The following SDC2 variants were observed in gnomAD, a reference collection of about 807,000 sequenced individuals.
SDC2 encodes the protein syndecan-2.
A neutral mutation model predicts 22.2 loss-of-function variants in SDC2; 13 were observed. The observed-to-expected ratio is 0.59, with a 90% CI of 0.38 to 0.93. The LOEUF is 0.93. SDC2 is among the 40% of genes least tolerant of loss of function. The pLI, the probability that SDC2 is intolerant of heterozygous loss-of-function variation, is 0.00. For synonymous variants in SDC2, 94 were observed against 92.8 expected (o/e 1.01, Z -0.07); for missense variants, 235 against 246.8 (o/e 0.95, Z 0.32).
chr8:96,517,827 T>G (rs939781703), intron 1 of SDC2, among the ~76,000 whole-genome samples: 2 of 151,750 alleles, frequency 1.3e-5, no homozygotes, highest in African/African-American at 4.8e-5. Context: ...ACATGAATCT[T>G]AAAATTGTTT....
chr8:96,569,795 T>A (rs1414955269), intron 1 of SDC2, among the ~76,000 whole-genome samples: 2 of 152,178 alleles, frequency 1.3e-5, no homozygotes, highest in Admixed American at 1.3e-4. Flanking sequence ...GGTCGTTCAC[T>A]TTGCTCCCTG....
chr8:96,604,588 G>A (rs540086635), intron 3 of SDC2, among the ~76,000 whole-genome samples: 102 of 152,252 alleles, frequency 6.7e-4, no homozygotes, highest in African/African-American at 2.4e-3. Context: ...TACCATTAGT[G>A]TAGATTTTGC....
intron 1 of SDC2, among the ~76,000 whole-genome samples, chr8:96,581,645 A>AAC (rs1409841609): frequency 4.6e-5 from 7 of 151,870 alleles, no homozygotes; most frequent in Non-Finnish European, 8.8e-5. Context: ...AAAAAAAAAA[A>AAC]AGGTAAAAGA....
intron 2 of SDC2, among the ~76,000 whole-genome samples, chr8:96,598,382 G>C (rs1586323207): frequency 6.6e-6 from 1 of 152,306 alleles, no homozygotes; most frequent in East Asian, 1.9e-4. Flanking sequence ...AGCAGTTTGG[G>C]AGGCTGAGGT....
At chr8:96,500,057 C>T (rs1319967162) in intron 1 of SDC2, among the ~76,000 whole-genome samples, 1 of 152,166 alleles carries the variant, frequency 6.6e-6, no homozygotes, top group African/African-American at 2.4e-5. Flanking sequence ...ACTGAATACA[C>T]CAGCCCCCAG....
chr8:96,557,069 A>G (rs1215762903), intron 1 of SDC2, among the ~76,000 whole-genome samples: 1 of 150,568 alleles, frequency 6.6e-6, no homozygotes, highest in Non-Finnish European at 1.5e-5. Flanking sequence ...TCAAAACCAC[A>G]ATGAGATACC....
At chr8:96,557,603 T>C (rs1373633027) in intron 1 of SDC2, among the ~76,000 whole-genome samples, 1 of 148,584 alleles carries the variant, frequency 6.7e-6, no homozygotes, top group African/African-American at 2.5e-5. Flanking sequence ...GGAAGGGGAA[T>C]ATCACACTCT....
intron 4 of SDC2, 91 bp from the exon 5 acceptor site, chr8:96,609,293 AT>A (rs2130667554): frequency 1.9e-6 from 2 of 1,049,010 alleles, no homozygotes; most frequent in East Asian, 5.4e-5. Context: ...TAAGCCTTTT[AT>A]AAAAGTGTAA....
At chr8:96,554,403 G>A (rs369536377) in intron 1 of SDC2, among the ~76,000 whole-genome samples, 3 of 151,944 alleles carry the variant, frequency 2.0e-5, no homozygotes, top group East Asian at 3.9e-4. Flanking sequence ...ATATCTTTGG[G>A]CACATGTTTC....
chr8:96,532,105 G>A (rs1813671382), intron 1 of SDC2, among the ~76,000 whole-genome samples: 1 of 152,132 alleles, frequency 6.6e-6, no homozygotes, highest in South Asian at 2.1e-4. Context: ...TACCTGCTAG[G>A]ATTGTTATAT....
chr8:96,521,824 A>T (rs1563647326), intron 1 of SDC2, among the ~76,000 whole-genome samples: 1 of 152,200 alleles, frequency 6.6e-6, no homozygotes, highest in African/African-American at 2.4e-5. Context: ...TTTTTGCTCA[A>T]TTAAAAGATT....
chr8:96,549,977 T>A (rs1194237283), intron 1 of SDC2, among the ~76,000 whole-genome samples: 1 of 152,150 alleles, frequency 6.6e-6, no homozygotes, highest in African/African-American at 2.4e-5. Flanking sequence ...ATCTGCTAGG[T>A]TTGGAATTTT....
At chr8:96,572,550 C>CT (rs1814414221) in intron 1 of SDC2, among the ~76,000 whole-genome samples, 1 of 151,970 alleles carries the variant, frequency 6.6e-6, no homozygotes, top group Non-Finnish European at 1.5e-5. Context: ...CTTGGGATGG[C>CT]TAGATATTTC....
At chr8:96,503,293 C>T (rs542757226) in intron 1 of SDC2, among the ~76,000 whole-genome samples, 28 of 152,046 alleles carry the variant, frequency 1.8e-4, no homozygotes, top group Non-Finnish European at 3.7e-4. Flanking sequence ...ATGGAAACAA[C>T]CCAAGTGTAC....
chr8:96,493,857 G>A lies in SDC2; in HGVS notation c.-415G>A. ...GCCGCGCGGATCGCGCGCTCCCGCC[G>A]CTCTGCCCCTAAACTTCTGCCGTAG... is the stretch of plus-strand genomic sequence containing the variant. On this transcript the variant is annotated 5_prime_UTR_variant, in exon 1 of 5. Transcript: ENST00000302190. 5.9e-6 allele frequency: 1 copy of A among 168,374 alleles called. No individual in the cohort carries two copies. Among genetic ancestry groups the A allele is most frequent in the Non-Finnish European group, 1.3e-5 (1 of 78,698 alleles). The allele number at this position is 168,374 out of a possible 1,614,324, so 10.4% of individuals were successfully genotyped here.
chr8:96,609,414 C>G lies in SDC2; in HGVS notation c.472C>G (p.Leu158Val), dbSNP rs781657660. ...CATTGCTGGTGGAGTTATTGGCTTT[C>G]TCTTTGCAATTTTTCTTATCCTGCT... ...AVIAGGVIGF[L>V]FAIFLILLLV... Residue 158 changes from leucine to valine, a missense_variant, in exon 5 of 5, where the codon CTC becomes GTC. Leu to Val is a conservative substitution (Grantham distance 32). Transcript: ENST00000302190. 3.7e-6 allele frequency: 6 copies of G among 1,612,502 alleles called. No individual in the cohort carries two copies. In the South Asian group the frequency reaches 4.4e-5, roughly 12 times the overall value.
intron 1 of SDC2, among the ~76,000 whole-genome samples, chr8:96,575,249 A>G (rs916955826): frequency 5.9e-5 from 9 of 152,148 alleles, no homozygotes; most frequent in South Asian, 2.1e-4. Context: ...GAGCACTGGC[A>G]TCTCTTTGAC....
intron 1 of SDC2, among the ~76,000 whole-genome samples, chr8:96,523,333 C>G (rs1226428732): frequency 6.6e-6 from 1 of 152,058 alleles, no homozygotes; most frequent in Non-Finnish European, 1.5e-5. Context: ...CTTTAGATTT[C>G]TTGGAAGAGG....
At chr8:96,517,547 G>A (rs184831075) in intron 1 of SDC2, among the ~76,000 whole-genome samples, 1 of 152,040 alleles carries the variant, frequency 6.6e-6, no homozygotes, top group Non-Finnish European at 1.5e-5. Context: ...TCTTCTTTAT[G>A]CATGTGGTAT....
Sources: gnomAD v4.1 joint callset for allele counts (sites outside exome capture counted in the v4.1 genomes callset) on GRCh38, gnomAD v4.1.1 for gene constraint, MANE v1.5 for transcripts, NCBI Gene and HGNC (gene_info 2026-07-23, HGNC 2026-07-21) for gene names.